ZC2HC1A: variants seen among roughly 807,000 people sequenced by gnomAD.
ZC2HC1A encodes zinc finger C2HC domain-containing protein 1A.
ZC2HC1A carries 28 observed loss-of-function variants against 40.7 expected under a neutral mutation model. The ratio of observed to expected loss-of-function variants is 0.69; its 90% CI spans 0.51 to 0.94. ZC2HC1A has a LOEUF of 0.94. Ranked by LOEUF, ZC2HC1A falls within the 40% of genes least tolerant of loss-of-function variation. ZC2HC1A has a pLI of 0.00. For synonymous variants in ZC2HC1A, 129 were observed against 129.2 expected (o/e 1.00, Z 0.01); for missense variants, 389 against 386.3 (o/e 1.01, Z -0.06).
At chr8:78,709,468 G>A (rs1341511041) in intron 7 of ZC2HC1A, among the ~76,000 whole-genome samples, 4 of 152,024 alleles carry the variant, frequency 2.6e-5, no homozygotes, top group African/African-American at 9.7e-5. Context: ...TAGAATTCCA[G>A]ACCTCGGTTT....
Position 78,674,386 on chromosome 8 carries a change from A to C in ZC2HC1A, c.17-1401A>C, listed in dbSNP as rs1809516084. On this transcript the variant is annotated intron_variant, in intron 1 of 8. Coordinates refer to ENST00000263849, the MANE Select transcript of ZC2HC1A (RefSeq NM_016010.3). ...TTTAAAGGAATACGTTAAAACTATA[A>C]GCAAGCTTAATAGATTAGTTAGCGT... Among the ~76,000 whole-genome samples the C allele has an allele frequency of 2.0e-5, 3 of 152,232 alleles. 1 individual carries two copies. Among genetic ancestry groups the C allele is most frequent in the Admixed American group, 2.0e-4 (3 of 15,270 alleles).
intron 5 of ZC2HC1A, among the ~76,000 whole-genome samples, chr8:78,692,881 C>T (rs960503808): frequency 1.1e-4 from 17 of 152,064 alleles, no homozygotes; most frequent in African/African-American, 3.9e-4. Flanking sequence ...TCCCTCCCCA[C>T]TCCCCCCACC....
chr8:78,684,948 A>C (rs1178267295), intron 3 of ZC2HC1A, among the ~76,000 whole-genome samples: 1 of 152,200 alleles, frequency 6.6e-6, no homozygotes, highest in Non-Finnish European at 1.5e-5. Flanking sequence ...TATAAATGTG[A>C]TTCTTAATTT....
chr8:78,712,024 G>T (rs991393005), intron 7 of ZC2HC1A: 4 of 1,289,496 alleles, frequency 3.1e-6, no homozygotes, highest in Non-Finnish European at 4.0e-6. Context: ...ACTTCGAACG[G>T]GAAGACTTGT....
intron 7 of ZC2HC1A, among the ~76,000 whole-genome samples, chr8:78,708,965 C>G (rs1222738980): frequency 6.6e-6 from 1 of 152,048 alleles, no homozygotes; most frequent in African/African-American, 2.4e-5. Context: ...CACGCCCGGC[C>G]AAAAGATGAT....
At chr8:78,688,500 A>G (rs1810099145) in intron 4 of ZC2HC1A, among the ~76,000 whole-genome samples, 1 of 152,196 alleles carries the variant, frequency 6.6e-6, no homozygotes, top group Non-Finnish European at 1.5e-5. Flanking sequence ...AACCTGTTAA[A>G]TTAAGATTCT....
intron 1 of ZC2HC1A, 100 bp downstream of exon 1, chr8:78,666,264 C>T: frequency 2.0e-6 from 3 of 1,518,652 alleles, no homozygotes; most frequent in South Asian, 1.2e-5. Flanking sequence ...TGGTTCGGTG[C>T]GGCGGACCTC....
intron 7 of ZC2HC1A, among the ~76,000 whole-genome samples, chr8:78,711,452 G>A (rs763440208): frequency 4.6e-5 from 7 of 151,448 alleles, no homozygotes; most frequent in South Asian, 2.1e-4. Flanking sequence ...TTTCCATGCC[G>A]AGTCCTGTTT....
At chr8:78,687,941 A>G (rs999389696) in intron 4 of ZC2HC1A, among the ~76,000 whole-genome samples, 2 of 143,244 alleles carry the variant, frequency 1.4e-5, no homozygotes, top group African/African-American at 5.1e-5. Flanking sequence ...CTATATTTTT[A>G]TATATAAACT....
chr8:78,698,376 TTAGAG>T (rs752717675), intron 6 of ZC2HC1A, 33 bp from the exon 7 acceptor site: 2 of 1,525,100 alleles, frequency 1.3e-6, no homozygotes, highest in Admixed American at 1.8e-5. Context: ...GTAACCTTTT[TTAGAG>T]TATTGTTAAA....
intron 7 of ZC2HC1A, among the ~76,000 whole-genome samples, chr8:78,709,248 T>C (rs1179363836): frequency 6.6e-6 from 1 of 152,232 alleles, no homozygotes; most frequent in Non-Finnish European, 1.5e-5. Context: ...CATTTTTTAA[T>C]TTAAAAAATT....
At position 78,717,392 on chromosome 8, in the gene ZC2HC1A, C is replaced by T. The variant is rs1234562122; in HGVS notation, c.877C>T (p.Pro293Ser). 2 of 1,613,612 alleles carry T rather than the reference C, an allele frequency of 1.2e-6. No individual in the cohort carries two copies. Among genetic ancestry groups the T allele is most frequent in the East Asian group, 4.5e-5 (2 of 44,832 alleles). The part of the protein sequence containing the change: ...GNIKGIEGHS[P>S]GNLPKFCHEC... ...TATTAAAGGCATTGAAGGACATTCA[C>T]CTGGAAACTTACCAAAATTCTGCCA... Residue 293 changes from proline (P) to serine (S), a missense_variant, in exon 9 of 9, where the codon CCT becomes TCT. Pro to Ser is a moderately conservative substitution (Grantham distance 74). Coordinates refer to ENST00000263849, the MANE Select transcript of ZC2HC1A (RefSeq NM_016010.3).
chr8:78,698,199 T>A, intron 6 of ZC2HC1A, among the ~76,000 whole-genome samples: 1 of 152,304 alleles, frequency 6.6e-6, no homozygotes, highest in African/African-American at 2.4e-5. Context: ...CATGTACCTT[T>A]ATTTATATAT....
chr8:78,687,530 A>T lies in ZC2HC1A; in HGVS notation c.352+922A>T, dbSNP rs191844327. ...ATTATATATATTTATATAATAAATTATATATTTATATAATAAATTTTATAT... is the reference window on the plus strand; with the variant it reads ...ATTATATATATTTATATAATAAATTTTATATTTATATAATAAATTTTATAT... On this transcript the variant is annotated intron_variant, in intron 4 of 8. Transcript: ENST00000263849. Among the ~76,000 whole-genome samples, 875 of 142,738 alleles carry T rather than the reference A, an allele frequency of 6.1e-3. 8 individuals are homozygous for T. Among genetic ancestry groups the T allele is most frequent in the African/African-American group, 0.021 (827 of 38,746 alleles). 93.6% of individuals were successfully genotyped at this position (142,738 alleles called of 152,430 possible). A position where few individuals can be genotyped will look rare whatever the true frequency, so the allele number is the denominator to read the frequency against.
In ZC2HC1A at chr8:78,717,417, A is replaced by G; in HGVS notation, c.902A>G (p.His301Arg). The change falls in exon 9 of 9, where the codon CAT (histidine) becomes CGT (arginine). Residue 301 changes from histidine (H) to arginine (R), a missense_variant. Coordinates refer to ENST00000263849, the MANE Select transcript of ZC2HC1A (RefSeq NM_016010.3). ...CCTGGAAACTTACCAAAATTCTGCC[A>G]TGAGTGTGGGACTAAATACCCTGTA... ...HSPGNLPKFCHECGTKYPVEW... is the reference protein window; with the variant it reads ...HSPGNLPKFCRECGTKYPVEW... 1 of 1,613,448 alleles carries G rather than the reference A, an allele frequency of 6.2e-7. No homozygotes were observed.
chr8:78,709,161 T>C (rs1430620476), intron 7 of ZC2HC1A, among the ~76,000 whole-genome samples: 2 of 152,206 alleles, frequency 1.3e-5, no homozygotes, highest in Non-Finnish European at 2.9e-5. Flanking sequence ...TCCTTTTAGT[T>C]ACTATGAAAA....
chr8:78,708,744 G>C (rs1356900321), intron 7 of ZC2HC1A, among the ~76,000 whole-genome samples: 1 of 149,190 alleles, frequency 6.7e-6, no homozygotes, highest in Non-Finnish European at 1.5e-5. Flanking sequence ...GCAATGGTGC[G>C]ATCTTGGCTC....
chr8:78,699,398 T>G (rs1810528025), intron 7 of ZC2HC1A, among the ~76,000 whole-genome samples: 1 of 152,162 alleles, frequency 6.6e-6, no homozygotes, highest in South Asian at 2.1e-4. Context: ...AGAATGAAGG[T>G]GTATGTCTAT....
Position 78,717,679 on chromosome 8 carries a change from A to G in ZC2HC1A, c.*186A>G, listed in dbSNP as rs995664978. On this transcript the variant is annotated 3_prime_UTR_variant, in exon 9 of 9. Transcript: ENST00000263849. Reference sequence around the variant, plus strand: ...GTTTATATGTGTACATATACTGTATATAATAAATATCTGATACCCCAGACT... The same window carrying G: ...GTTTATATGTGTACATATACTGTATGTAATAAATATCTGATACCCCAGACT... The G allele has an allele frequency of 1.5e-5, 6 of 413,102 alleles. No individual in the cohort carries two copies. The highest frequency in any genetic ancestry group is 2.1e-5 in the Non-Finnish European group (5 of 243,082). The allele number at this position is 413,102 out of a possible 1,614,324, so 25.6% of individuals were successfully genotyped here.
Sources: allele counts gnomAD v4.1 joint callset (sites outside exome capture counted in the v4.1 genomes callset), GRCh38; gene constraint gnomAD v4.1.1; transcripts MANE v1.5; gene names NCBI Gene and HGNC (gene_info 2026-07-23, HGNC 2026-07-21).